DHRS7B: variants seen among roughly 807,000 people sequenced by gnomAD.
DHRS7B encodes the protein dehydrogenase/reductase 7B, also known as peroxisomal reductase activating PPAR-gamma.
A neutral mutation model predicts 26.4 loss-of-function variants in DHRS7B; 24 were observed. That is an observed-to-expected ratio of 0.91 (90% confidence interval 0.66 to 1.28). The LOEUF (loss-of-function observed/expected upper bound fraction) is 1.28, where lower values mean the gene tolerates loss of function less well. DHRS7B is among the 50% of genes most tolerant of loss of function. DHRS7B has a pLI of 0.00. For missense variants in DHRS7B, 368 were observed against 419.4 expected, an observed-to-expected ratio of 0.88 and a Z score of 1.07; for synonymous variants, 142 against 166.4, an observed-to-expected ratio of 0.85 and a Z score of 1.13.
chr17:21,136,660 A>G (rs1292099167), intron 1 of DHRS7B, among the ~76,000 whole-genome samples: 1 of 151,788 alleles, frequency 6.6e-6, no homozygotes, highest in African/African-American at 2.4e-5. Context: ...CAAGCGATTC[A>G]TTCTCCTGCC....
chr17:21,150,570 T>A (rs1467366655), intron 1 of DHRS7B, among the ~76,000 whole-genome samples: 2 of 152,090 alleles, frequency 1.3e-5, no homozygotes, highest in African/African-American at 4.8e-5. Context: ...TGAGCCGAGA[T>A]TGCACCATTG....
At chr17:21,140,538 A>ACCCCCCC in intron 1 of DHRS7B, among the ~76,000 whole-genome samples, 1 of 134,852 alleles carries the variant, frequency 7.4e-6, no homozygotes, top group South Asian at 2.4e-4. Flanking sequence ...ACACACACAC[A>ACCCCCCC]CCCTGACACC....
intron 2 of DHRS7B, among the ~76,000 whole-genome samples, chr17:21,172,901 A>G (rs1974292684): frequency 6.6e-6 from 1 of 152,220 alleles, no homozygotes; most frequent in African/African-American, 2.4e-5. Flanking sequence ...ACAGGGCTCC[A>G]TTGTTTTCCT....
chr17:21,183,966 A>G (rs1456977266), intron 4 of DHRS7B, among the ~76,000 whole-genome samples, 156 bp downstream of exon 4: 1 of 152,170 alleles, frequency 6.6e-6, no homozygotes, highest in East Asian at 1.9e-4. Flanking sequence ...TATTTGCTTT[A>G]TAGCTTCCAA....
chr17:21,127,909 G>T (rs1383417491), intron 1 of DHRS7B: 1 of 152,214 alleles, frequency 6.6e-6, no homozygotes, highest in Non-Finnish European at 1.5e-5. Flanking sequence ...TTTGCCAAGG[G>T]TGTGGAATAT....
At chr17:21,145,249 C>T (rs955409174) in intron 1 of DHRS7B, among the ~76,000 whole-genome samples, 25 of 151,606 alleles carry the variant, frequency 1.6e-4, no homozygotes, top group African/African-American at 3.2e-4. Flanking sequence ...GCATGAACCC[C>T]GGAGGTGGAG....
At chr17:21,165,755 A>G (rs1974096721) in intron 1 of DHRS7B, among the ~76,000 whole-genome samples, 1 of 152,030 alleles carries the variant, frequency 6.6e-6, no homozygotes, top group South Asian at 2.1e-4. Context: ...GTCTCTACTA[A>G]AAATACAAAA....
At position 21,172,571 on chromosome 17, in the gene DHRS7B, G is replaced by T. The variant is rs550813458; in HGVS notation, c.199+375G>T. The stretch of plus-strand genomic sequence containing the variant: ...CAAATATGGACAGCTAACTTAAAAC[G>T]TGTTTTTACCTCTATGAGGACCAAA... On this transcript the variant is annotated intron_variant, in intron 2 of 6. Transcript: ENST00000395511. 4 of 323,994 alleles carry T rather than the reference G, an allele frequency of 1.2e-5. No homozygotes were observed. The Admixed American group carries it at 1.8e-4, about 14-fold the overall frequency. The allele number at this position is 323,994 out of a possible 1,614,324, so 20.1% of individuals were successfully genotyped here.
intron 3 of DHRS7B, among the ~76,000 whole-genome samples, chr17:21,179,349 C>A (rs994689111): frequency 2.6e-5 from 4 of 152,158 alleles, no homozygotes; most frequent in African/African-American, 9.7e-5. Context: ...GTAATTCCAG[C>A]ACTTTGGGAG....
At chr17:21,137,799 C>T (rs1045088001) in intron 1 of DHRS7B, among the ~76,000 whole-genome samples, 1 of 151,540 alleles carries the variant, frequency 6.6e-6, no homozygotes, top group Non-Finnish European at 1.5e-5. Context: ...GGCATTTCAC[C>T]ATGTTAGCCA....
intron 1 of DHRS7B, among the ~76,000 whole-genome samples, chr17:21,132,589 A>G (rs906302165): frequency 6.7e-6 from 1 of 148,856 alleles, no homozygotes; most frequent in Admixed American, 6.7e-5. Flanking sequence ...AAAGAGCTAG[A>G]TTGGTTGCAG....
At chr17:21,133,425 C>A (rs1973280963) in intron 1 of DHRS7B, among the ~76,000 whole-genome samples, 1 of 151,834 alleles carries the variant, frequency 6.6e-6, no homozygotes, top group African/African-American at 2.4e-5. Context: ...GGCCCCCCTT[C>A]AGGGGCTTCC....
At chr17:21,132,348 A>ATATATAT (rs1555535740) in intron 1 of DHRS7B, among the ~76,000 whole-genome samples, 15 of 125,042 alleles carry the variant, frequency 1.2e-4, no homozygotes, top group African/African-American at 4.4e-4. Context: ...AAAAAAAAAA[A>ATATATAT]ATATATATAT....
chr17:21,184,580 A>G lies in DHRS7B; in HGVS notation c.619+117A>G, dbSNP rs1230478245. On this transcript the variant is annotated intron_variant, in intron 5 of 6. Transcript: ENST00000395511. ...GTAGAAATAAACTATCCAGAATGCA[A>G]AGGCACTTGAGAATGTGTTCTCCAG... 3.0e-6 allele frequency: 3 copies of G among 1,015,772 alleles called. No homozygotes were observed. The African/African-American group carries it at 4.9e-5, about 17-fold the overall frequency. 62.9% of individuals were successfully genotyped at this position (1,015,772 alleles called of 1,614,324 possible).
intron 1 of DHRS7B, among the ~76,000 whole-genome samples, chr17:21,145,452 A>C (rs1440321349): frequency 6.6e-6 from 1 of 152,242 alleles, no homozygotes; most frequent in Non-Finnish European, 1.5e-5. Context: ...AAAATGTTAC[A>C]TTTCTTAGTA....
intron 5 of DHRS7B, among the ~76,000 whole-genome samples, chr17:21,185,610 G>GA: frequency 6.6e-6 from 1 of 151,676 alleles, no homozygotes; most frequent in Non-Finnish European, 1.5e-5. Flanking sequence ...AATGGTTCAG[G>GA]AAAAAACAAT....
At chr17:21,180,036 G>C (rs1473062166) in intron 3 of DHRS7B, among the ~76,000 whole-genome samples, 2 of 151,416 alleles carry the variant, frequency 1.3e-5, no homozygotes, top group African/African-American at 4.9e-5. Flanking sequence ...CAAAGTGCTG[G>C]GGTTACAGGC....
At chr17:21,159,736 C>T (rs1182906269) in intron 1 of DHRS7B, among the ~76,000 whole-genome samples, 2 of 150,856 alleles carry the variant, frequency 1.3e-5, no homozygotes, top group East Asian at 4.0e-4. Flanking sequence ...TAGCTAGTCA[C>T]AGTGGTGTGT....
At chr17:21,138,580 A>G (rs1352860307) in intron 1 of DHRS7B, among the ~76,000 whole-genome samples, 4 of 151,902 alleles carry the variant, frequency 2.6e-5, no homozygotes, top group South Asian at 4.2e-4. Context: ...TTACCATACA[A>G]TATTCTTTCT....
Sources: gnomAD v4.1 joint callset for allele counts (sites outside exome capture counted in the v4.1 genomes callset) on GRCh38, gnomAD v4.1.1 for gene constraint, MANE v1.5 for transcripts, NCBI Gene and HGNC (gene_info 2026-07-23, HGNC 2026-07-21) for gene names.